The following CEP170B variants were observed in gnomAD, a reference collection of about 807,000 sequenced individuals.
CEP170B encodes centrosomal protein 170B, also known as centrosomal protein of 170 kDa protein B.
CEP170B carries 55 observed loss-of-function variants against 120.6 expected under a neutral mutation model. The ratio of observed to expected loss-of-function variants is 0.46; its 90% CI spans 0.37 to 0.57. The LOEUF (loss-of-function observed/expected upper bound fraction) is 0.57. CEP170B is among the 20% of genes least tolerant of loss of function. The pLI, the probability that CEP170B is intolerant of heterozygous loss-of-function variation, is 0.00. For synonymous variants in CEP170B, 1,033 were observed against 954.5 expected (o/e 1.08, Z -1.52); for missense variants, 2,212 against 2,253.3 (o/e 0.98, Z 0.37).
At chr14:104,878,093 T>C in intron 4 of CEP170B, 130 bp downstream of exon 4, 1 of 749,412 alleles carries the variant, frequency 1.3e-6, no homozygotes, top group Non-Finnish European at 2.2e-6. Context: ...AGGATGACCC[T>C]AGGGCTGGGC....
chr14:104,887,339 G>A lies in CEP170B; in HGVS notation c.3100G>A (p.Gly1034Ser). The stretch of plus-strand genomic sequence containing the variant: ...GGTACGGCGCTCAGCCATAAGGCGT[G>A]GCCACAGGCCCCGAGGGTCCCTGGA... ...EPVRRSAIRRGHRPRGSLDWP... is the reference protein window; with the variant it reads ...EPVRRSAIRRSHRPRGSLDWP... Residue 1034 changes from glycine (G) to serine (S), a missense_variant, in exon 12 of 19, where the codon GGC becomes AGC. Transcript: ENST00000414716. 6.2e-7 allele frequency: 1 copy of A among 1,611,416 alleles called. No homozygotes were observed. Among genetic ancestry groups the A allele is most frequent in the Non-Finnish European group, 8.5e-7 (1 of 1,179,432 alleles).
intron 2 of CEP170B, among the ~76,000 whole-genome samples, chr14:104,871,794 A>G (rs2140628627): frequency 6.6e-6 from 1 of 152,280 alleles, no homozygotes; most frequent in East Asian, 1.9e-4. Context: ...GGGATGGGAC[A>G]TGGAGGGGAG....
chr14:104,869,242 G>A (rs1433991721), intron 2 of CEP170B, among the ~76,000 whole-genome samples: 1 of 152,228 alleles, frequency 6.6e-6, no homozygotes, highest in East Asian at 1.9e-4. Context: ...TACCCCGTGT[G>A]CCTGTGAACG....
chr14:104,885,520 C>G lies in CEP170B; in HGVS notation c.1922C>G (p.Ala641Gly), dbSNP rs570464617. 6.4e-7 allele frequency: 1 copy of G among 1,564,834 alleles called. No homozygotes were observed. The highest frequency in any genetic ancestry group is 8.6e-7 in the Non-Finnish European group (1 of 1,158,514). The change falls in exon 10 of 19, where the codon GCG (alanine) becomes GGG (glycine). Residue 641 changes from alanine (A) to glycine (G), a missense_variant. Ala to Gly is a moderately conservative substitution (Grantham distance 60). This residue lies in a region of CEP170B where 2,166 missense variants were observed against 2,166.7 expected (regional missense o/e 1.00). Coordinates refer to ENST00000414716, the MANE Select transcript of CEP170B (RefSeq NM_001112726.3). Reference protein sequence around the residue: ...LQEFASRPLGAAPQAEHQGLP... With the variant: ...LQEFASRPLGGAPQAEHQGLP... ...GAGTTTGCCTCCCGGCCACTGGGTG[C>G]GGCCCCCCAGGCGGAGCACCAGGTA...
chr14:104,896,711 A>C lies in CEP170B; in HGVS notation c.*1753A>C. On this transcript the variant is annotated 3_prime_UTR_variant, in exon 19 of 19. Transcript: ENST00000414716. ...GGTTATTTTATATGATTTGTCATGGAATTTGTTCTAATAAATCATTCTTCT... is the reference window on the plus strand; with the variant it reads ...GGTTATTTTATATGATTTGTCATGGCATTTGTTCTAATAAATCATTCTTCT... 1 of 454,940 alleles carries C rather than the reference A, an allele frequency of 2.2e-6. No homozygotes were observed. The highest frequency in any genetic ancestry group is 1.6e-5 in the South Asian group (1 of 64,514). 28.2% of individuals were successfully genotyped at this position (454,940 alleles called of 1,614,324 possible).
At chr14:104,874,586 C>T (rs919078579) in intron 2 of CEP170B, among the ~76,000 whole-genome samples, 5 of 152,118 alleles carry the variant, frequency 3.3e-5, no homozygotes, top group African/African-American at 1.2e-4. Flanking sequence ...CTCCCTGGCA[C>T]CCCTGCCCAC....
chr14:104,894,667 A>C, intron 18 of CEP170B, 44 bp from the exon 19 acceptor site: 1 of 1,575,402 alleles, frequency 6.3e-7, no homozygotes, highest in Non-Finnish European at 8.6e-7. Flanking sequence ...GGGTGGGAGC[A>C]GGTGAACTGG....
intron 17 of CEP170B, 32 bp downstream of exon 17, chr14:104,894,410 G>A (rs546737987): frequency 2.3e-4 from 371 of 1,605,584 alleles, no homozygotes; most frequent in Non-Finnish European, 3.0e-4. Flanking sequence ...CCCTTGGCCT[G>A]CCCCCAGCCA....
In CEP170B at chr14:104,886,505, G is replaced by A. The variant is rs1896515487; in HGVS notation, c.2266G>A (p.Gly756Ser). The change falls in exon 12 of 19, where the codon GGC becomes AGC. Residue 756 changes from glycine (G) to serine (S), a missense_variant. Transcript: ENST00000414716. ...CAGCGATGCCAGTGGGTCGGACGGG[G>A]GCCGAGGCCCCGAGCCAGGGGTGGA... is the stretch of plus-strand genomic sequence containing the variant. Reference protein sequence around the residue: ...SLSDASGSDGGRGPEPGVEPQ... With the variant: ...SLSDASGSDGSRGPEPGVEPQ... 1.3e-6 allele frequency: 2 copies of A among 1,510,388 alleles called. No individual in the cohort carries two copies. The highest frequency in any genetic ancestry group is 1.3e-5 in the South Asian group (1 of 74,472). 93.6% of individuals were successfully genotyped at this position (1,510,388 alleles called of 1,614,324 possible).
At chr14:104,886,195 C>T (rs554262357) in intron 11 of CEP170B, 65 bp downstream of exon 11, 7 of 1,473,630 alleles carry the variant, frequency 4.8e-6, no homozygotes, top group South Asian at 4.0e-5. Flanking sequence ...CCACTGACCA[C>T]GGACACAGGC....
chr14:104,872,786 A>G (rs1282012083), intron 2 of CEP170B, among the ~76,000 whole-genome samples: 1 of 152,078 alleles, frequency 6.6e-6, no homozygotes, highest in African/African-American at 2.4e-5. Flanking sequence ...GGCTGCTGCT[A>G]CTGCCACTCA....
chr14:104,886,045 C>T lies in CEP170B; in HGVS notation c.1950C>T (p.Leu650=). 4 of 1,537,680 alleles carry T rather than the reference C, an allele frequency of 2.6e-6. No homozygotes were observed. The highest frequency in any genetic ancestry group is 3.5e-6 in the Non-Finnish European group (4 of 1,140,958). ...GAAPQAEHQG[L]PVPGSPGGQK... is the part of the protein sequence containing the mutation. ...TCCCACCCTCCTCTCCACAGGGCCT[C>T]CCGGTGCCGGGCTCCCCTGGGGGTC... Residue 650 remains leucine (L), a synonymous_variant, in exon 11 of 19, where the codon CTC becomes CTT. Coordinates refer to ENST00000414716, the MANE Select transcript of CEP170B (RefSeq NM_001112726.3).
chr14:104,881,215 C>T (rs925193512), intron 6 of CEP170B, among the ~76,000 whole-genome samples: 13 of 151,646 alleles, frequency 8.6e-5, no homozygotes, highest in African/African-American at 2.2e-4. Flanking sequence ...CACGAGGGTC[C>T]GCGTGGGTCC....
rs369235520 is a variant in CEP170B at position 104,887,067 on chromosome 14, C to T, written c.2828C>T (p.Pro943Leu). 98 of 1,611,448 alleles carry T rather than the reference C, an allele frequency of 6.1e-5. No individual in the cohort carries two copies. In the East Asian group the frequency reaches 8.7e-4, roughly 14 times the overall value. Residue 943 changes from proline to leucine, a missense_variant, in exon 12 of 19, where the codon CCG (proline) becomes CTG (leucine). Pro to Leu is a moderately conservative substitution (Grantham distance 98). Around this residue, in one of 2 missense-constraint regions of CEP170B, gnomAD observed 2,166 missense variants for 2,166.7 expected, o/e 1.00. Coordinates refer to ENST00000414716, the MANE Select transcript of CEP170B (RefSeq NM_001112726.3). ...GCCGAGTGTGAGGGGGGCAGCACCC[C>T]GAGGCCGCCGGAGGACGCCCTGTCT... ...VDAECEGGST[P>L]RPPEDALSGD...
intron 3 of CEP170B, among the ~76,000 whole-genome samples, chr14:104,876,684 G>T (rs1895870176): frequency 6.6e-6 from 1 of 152,224 alleles, no homozygotes; most frequent in African/African-American, 2.4e-5. Context: ...CCCCTGGCAG[G>T]GTCTCAGGCC....
Position 104,886,713 on chromosome 14 carries a change from C to G in CEP170B, c.2474C>G (p.Thr825Arg). 1 of 1,593,328 alleles carries G rather than the reference C, an allele frequency of 6.3e-7. No homozygotes were observed. Among genetic ancestry groups the G allele is most frequent in the South Asian group, 1.1e-5 (1 of 88,518 alleles). ...GGGGATGGGGAGGGCCTAGGGCAGACAGCCCAGCCCAGCCCCCCAGCACGG... is the reference window on the plus strand; with the variant it reads ...GGGGATGGGGAGGGCCTAGGGCAGAGAGCCCAGCCCAGCCCCCCAGCACGG... ...APGDGEGLGQTAQPSPPARDG... is the reference protein window; with the variant it reads ...APGDGEGLGQRAQPSPPARDG... Residue 825 changes from threonine to arginine, a missense_variant, in exon 12 of 19, where the codon ACA becomes AGA. Thr to Arg is a moderately conservative substitution (Grantham distance 71). Around this residue, in one of 2 missense-constraint regions of CEP170B, gnomAD observed 2,166 missense variants for 2,166.7 expected, o/e 1.00. Coordinates refer to ENST00000414716, the MANE Select transcript of CEP170B (RefSeq NM_001112726.3).
intron 2 of CEP170B, among the ~76,000 whole-genome samples, chr14:104,874,061 C>A (rs1895707838): frequency 6.6e-6 from 1 of 152,300 alleles, no homozygotes; most frequent in South Asian, 2.1e-4. Context: ...GGGGCCTGGC[C>A]CTCAGGGCTG....
chr14:104,882,616 A>T, intron 6 of CEP170B, 112 bp from the exon 7 acceptor site: 1 of 769,280 alleles, frequency 1.3e-6, no homozygotes, highest in Non-Finnish European at 2.1e-6. Context: ...CCAAGCTGGG[A>T]GGTGATGCCA....
rs554125888 is a variant in CEP170B, at chr14:104,896,456, G to A, written c.*1498G>A. ...CCTGCATGCCCCAGTTGCCCACCCCGCCTGCCCCTGGACATGAAGTGGTCA... is the reference window on the plus strand; with the variant it reads ...CCTGCATGCCCCAGTTGCCCACCCCACCTGCCCCTGGACATGAAGTGGTCA... On this transcript the variant is annotated 3_prime_UTR_variant, in exon 19 of 19. Transcript: ENST00000414716. 3.8e-4 allele frequency: 134 copies of A among 356,766 alleles called. No homozygotes were observed. In the East Asian group the frequency reaches 8.5e-3, roughly 23 times the overall value. 22.1% of individuals were successfully genotyped at this position (356,766 alleles called of 1,614,324 possible). A position where few individuals can be genotyped will look rare whatever the true frequency, so the allele number is the denominator to read the frequency against.
Sources: gnomAD v4.1 joint callset for allele counts (sites outside exome capture counted in the v4.1 genomes callset) on GRCh38, gnomAD v4.1.1 for gene constraint, gnomAD v4.1.1 regional missense constraint, MANE v1.5 for transcripts, NCBI Gene and HGNC (gene_info 2026-07-23, HGNC 2026-07-21) for gene names.